The following SCYL3 variants were observed in gnomAD, a reference collection of about 807,000 sequenced individuals.
The protein encoded by SCYL3 is SCY1 like pseudokinase 3, also known as protein-associating with the carboxyl-terminal domain of ezrin.
A neutral mutation model predicts 73.8 loss-of-function variants in SCYL3; 35 were observed. That is an observed-to-expected ratio of 0.47 (90% CI 0.36 to 0.63). The LOEUF is 0.63. SCYL3 is among the 20% of genes least tolerant of loss of function. SCYL3 has a pLI of 0.00. For missense variants in SCYL3, 712 were observed against 798.9 expected (o/e 0.89, Z 1.31); for synonymous variants, 277 against 295.2 (o/e 0.94, Z 0.63).
chr1:169,882,782 A>G (rs1188935782), intron 2 of SCYL3, among the ~76,000 whole-genome samples: 1 of 152,068 alleles, frequency 6.6e-6, no homozygotes, highest in Non-Finnish European at 1.5e-5. Context: ...CTCTGTATCT[A>G]GCTAATCTGG....
intron 3 of SCYL3, among the ~76,000 whole-genome samples, chr1:169,878,068 T>C (rs1162594270): frequency 3.9e-5 from 6 of 152,090 alleles, no homozygotes; most frequent in Non-Finnish European, 8.8e-5. Context: ...GAAGTAAACC[T>C]AGGAACCATC....
rs755867923 is a variant in SCYL3, at chr1:169,854,359, C to T, written c.1918G>A (p.Glu640Lys). 4 of 1,613,992 alleles carry T rather than the reference C, an allele frequency of 2.5e-6. No homozygotes were observed. Among genetic ancestry groups the T allele is most frequent in the Non-Finnish European group, 3.4e-6 (4 of 1,179,948 alleles). ...KPSAAFLILP[E>K]LRTEMVPKKD... ...TTTGGGACCATTTCTGTCCTCAGTT[C>T]AGGTAATATAAGAAAAGCAGCAGAA... Residue 640 changes from glutamate (E) to lysine (K), a missense_variant, in exon 12 of 13, where the codon GAA (glutamate) becomes AAA (lysine). Transcript: ENST00000367771.
At chr1:169,868,097 T>C (rs1460557329) in intron 7 of SCYL3, among the ~76,000 whole-genome samples, 2 of 152,222 alleles carry the variant, frequency 1.3e-5, no homozygotes, top group Non-Finnish European at 2.9e-5. Flanking sequence ...TTGAATAGTT[T>C]GAAATATGAC....
chr1:169,869,074 T>C, intron 6 of SCYL3, 35 bp from the exon 7 acceptor site: 1 of 1,546,614 alleles, frequency 6.5e-7, no homozygotes, highest in South Asian at 1.1e-5. Flanking sequence ...TTCCAATGCC[T>C]TCTCCCTCTT....
At chr1:169,865,984 C>A (rs1416508827) in intron 8 of SCYL3, among the ~76,000 whole-genome samples, 2 of 152,122 alleles carry the variant, frequency 1.3e-5, no homozygotes, top group African/African-American at 4.8e-5. Flanking sequence ...AAAATATCAC[C>A]AACTATAGGC....
At chr1:169,855,335 A>G (rs562812317) in intron 11 of SCYL3, among the ~76,000 whole-genome samples, 1 of 152,210 alleles carries the variant, frequency 6.6e-6, no homozygotes, top group Non-Finnish European at 1.5e-5. Context: ...GCAGGCTCAA[A>G]TAAGTTTGCC....
chr1:169,870,122 TA>T (rs1454222830), intron 6 of SCYL3, 132 bp downstream of exon 6: 6 of 620,170 alleles, frequency 9.7e-6, no homozygotes, highest in African/African-American at 1.9e-5. Context: ...GTATCTGCCC[TA>T]AAAAAGTTAC....
intron 2 of SCYL3, among the ~76,000 whole-genome samples, chr1:169,883,457 A>T (rs1204005889): frequency 2.0e-5 from 3 of 152,206 alleles, no homozygotes; most frequent in Non-Finnish European, 4.4e-5. Context: ...ACAATCACTG[A>T]GGAAGCCCTG....
At chr1:169,872,983 T>C (rs943797272) in intron 5 of SCYL3, among the ~76,000 whole-genome samples, 1 of 152,286 alleles carries the variant, frequency 6.6e-6, no homozygotes, top group African/African-American at 2.4e-5. Flanking sequence ...TTTGAGTTAA[T>C]GCTGAAATGA....
Position 169,878,718 on chromosome 1 carries a change from T to C in SCYL3, c.267A>G (p.Glu89=), listed in dbSNP as rs777461156. Reference sequence around the variant, plus strand: ...CAGAAGACAATGTTTCCAAAGCCACTTCCAGGGGCTGTACTCGCTCAGTGA... The same window carrying C: ...CAGAAGACAATGTTTCCAAAGCCACCTCCAGGGGCTGTACTCGCTCAGTGA... ...HLVTERVQPL[E]VALETLSSAE... is the part of the protein sequence containing the mutation. Residue 89 remains glutamate, a synonymous_variant, in exon 3 of 13, where the codon GAA becomes GAG. Transcript: ENST00000367771. 1 of 1,614,122 alleles carries C rather than the reference T, an allele frequency of 6.2e-7. No homozygotes were observed. The highest frequency in any genetic ancestry group is 1.1e-5 in the South Asian group (1 of 91,078).
intron 1 of SCYL3, among the ~76,000 whole-genome samples, chr1:169,891,171 T>C (rs979255921): frequency 7.9e-5 from 12 of 152,162 alleles, no homozygotes; most frequent in African/African-American, 2.7e-4. Context: ...GGTAGAAGGA[T>C]GCTATGAGGT....
intron 6 of SCYL3, 27 bp downstream of exon 6, chr1:169,870,228 A>T: frequency 7.0e-7 from 1 of 1,433,426 alleles, no homozygotes; most frequent in Non-Finnish European, 9.8e-7. Flanking sequence ...CTTATTCTAT[A>T]GATGCAGTAG....
At chr1:169,864,598 A>G (rs577991828) in intron 8 of SCYL3, 90 bp from the exon 9 acceptor site, 2 of 1,268,574 alleles carry the variant, frequency 1.6e-6, no homozygotes, top group African/African-American at 1.5e-5. Flanking sequence ...CCTCTCTCTC[A>G]CTTCTATCAA....
At chr1:169,892,723 C>T (rs1427039572) in intron 1 of SCYL3, among the ~76,000 whole-genome samples, 1 of 152,176 alleles carries the variant, frequency 6.6e-6, no homozygotes, top group African/African-American at 2.4e-5. Context: ...CCTACTTGGG[C>T]AGCACATAAA....
intron 2 of SCYL3, 99 bp downstream of exon 2, chr1:169,888,577 T>G: frequency 1.1e-6 from 1 of 950,890 alleles, no homozygotes; most frequent in Non-Finnish European, 1.6e-6. Flanking sequence ...CTGGTCCTTA[T>G]GATCTTACCT....
intron 2 of SCYL3, among the ~76,000 whole-genome samples, chr1:169,883,644 A>C (rs1382867452): frequency 1.3e-5 from 2 of 152,086 alleles, no homozygotes; most frequent in Non-Finnish European, 2.9e-5. Flanking sequence ...CAGATGCCTC[A>C]AACTTTATTA....
chr1:169,875,029 C>T (rs1391001931), intron 4 of SCYL3, among the ~76,000 whole-genome samples: 3 of 152,182 alleles, frequency 2.0e-5, no homozygotes, highest in Non-Finnish European at 2.9e-5. Flanking sequence ...TTGGAATAAA[C>T]AGCACAGAAA....
At chr1:169,879,442 T>C (rs899777892) in intron 2 of SCYL3, among the ~76,000 whole-genome samples, 1 of 152,102 alleles carries the variant, frequency 6.6e-6, no homozygotes, top group Non-Finnish European at 1.5e-5. Flanking sequence ...GAAGCAAGCA[T>C]CCACTGGATA....
Position 169,888,771 on chromosome 1 carries a change from G to A in SCYL3, c.70C>T (p.Leu24Phe). The change falls in exon 2 of 13, where the codon CTT becomes TTT. Residue 24 changes from leucine to phenylalanine, a missense_variant. Leu to Phe is a conservative substitution (Grantham distance 22). Around this residue, in one of 2 missense-constraint regions of SCYL3, gnomAD observed 342 missense variants for 448.1 expected, o/e 0.76. Coordinates refer to ENST00000367771, the MANE Select transcript of SCYL3 (RefSeq NM_020423.7). Reference sequence around the variant, plus strand: ...TGCAGTACAGCGGGATAAACAGCAAGTCCAGAGGGTAAGGTAAATGGTGGT... The same window carrying A: ...TGCAGTACAGCGGGATAAACAGCAAATCCAGAGGGTAAGGTAAATGGTGGT... ...REPPFTLPSG[L>F]AVYPAVLQDG... is the part of the protein sequence containing the mutation. 6.2e-7 allele frequency: 1 copy of A among 1,614,048 alleles called. No homozygotes were observed. Among genetic ancestry groups the A allele is most frequent in the Non-Finnish European group, 8.5e-7 (1 of 1,179,950 alleles).
Sources: gnomAD v4.1 joint callset for allele counts (sites outside exome capture counted in the v4.1 genomes callset) on GRCh38, gnomAD v4.1.1 for gene constraint, gnomAD v4.1.1 regional missense constraint, MANE v1.5 for transcripts, NCBI Gene and HGNC (gene_info 2026-07-23, HGNC 2026-07-21) for gene names.